GPC6: variants seen among roughly 807,000 people sequenced by gnomAD.
GPC6 encodes the protein glypican 6.
GPC6 carries 14 observed loss-of-function variants against 55.2 expected under a neutral mutation model. The ratio of observed to expected loss-of-function variants is 0.25; its 90% confidence interval spans 0.17 to 0.40. GPC6 has a LOEUF of 0.40. GPC6 is among the 10% of genes least tolerant of loss of function. GPC6 has a pLI of 1.00. For synonymous variants in GPC6, 278 were observed against 259.6 expected, an observed-to-expected ratio of 1.07 and a Z score of -0.68; for missense variants, 641 against 708.5, an observed-to-expected ratio of 0.90 and a Z score of 1.08.
At chr13:93,528,406 CAGAG>C (rs1173448531) in intron 1 of GPC6, among the ~76,000 whole-genome samples, 1 of 151,982 alleles carries the variant, frequency 6.6e-6, no homozygotes, top group Non-Finnish European at 1.5e-5. Flanking sequence ...CATTAAGAGT[CAGAG>C]AGAGTGAAAG....
chr13:93,238,594 A>C (rs1566536425), intron 1 of GPC6, among the ~76,000 whole-genome samples: 1 of 152,074 alleles, frequency 6.6e-6, no homozygotes, highest in Non-Finnish European at 1.5e-5. Context: ...TGCTCTGGCT[A>C]GGACTTCCAG....
chr13:94,391,600 T>C (rs1187063374), intron 7 of GPC6, among the ~76,000 whole-genome samples: 1 of 152,232 alleles, frequency 6.6e-6, no homozygotes, highest in Non-Finnish European at 1.5e-5. Context: ...TCAAGAACTT[T>C]AGTAAAGTTA....
intron 3 of GPC6, among the ~76,000 whole-genome samples, chr13:93,849,974 G>T (rs1888337926): frequency 6.6e-6 from 1 of 152,030 alleles, no homozygotes; most frequent in Admixed American, 6.6e-5. Context: ...TTACAATTAA[G>T]CTGTTCTGAC....
chr13:94,008,530 T>C (rs1413539497), intron 3 of GPC6, among the ~76,000 whole-genome samples: 1 of 152,094 alleles, frequency 6.6e-6, no homozygotes. Flanking sequence ...CACACACCTG[T>C]AGTTCCAGGT....
Position 93,610,377 on chromosome 13 carries a change from T to C in GPC6, c.319+64956T>C, listed in dbSNP as rs116279987. Among the ~76,000 whole-genome samples the C allele has an allele frequency of 5.9e-3, 898 of 152,320 alleles. 15 individuals are homozygous for C. The highest frequency in any genetic ancestry group is 0.02 in the African/African-American group (843 of 41,560). ...ATTTTACATCGCAACCCAGAATGTG[T>C]GCGTAGGTGTGTTTATGTGTAGTCA... On this transcript the variant is annotated intron_variant, in intron 2 of 8. Coordinates refer to ENST00000377047, the MANE Select transcript of GPC6 (RefSeq NM_005708.5).
At chr13:93,610,379 C>T (rs562292677) in intron 2 of GPC6, among the ~76,000 whole-genome samples, 12 of 152,248 alleles carry the variant, frequency 7.9e-5, no homozygotes, top group South Asian at 2.1e-4. Flanking sequence ...AGAATGTGTG[C>T]GTAGGTGTGT....
intron 1 of GPC6, among the ~76,000 whole-genome samples, chr13:93,257,390 C>T (rs1438442221): frequency 1.3e-5 from 2 of 152,198 alleles, no homozygotes; most frequent in Non-Finnish European, 2.9e-5. Flanking sequence ...ATAGTCTCTT[C>T]TCTTTTCTCT....
At chr13:93,990,111 T>C (rs1337766851) in intron 3 of GPC6, among the ~76,000 whole-genome samples, 5 of 151,966 alleles carry the variant, frequency 3.3e-5, no homozygotes, top group Non-Finnish European at 7.4e-5. Context: ...ACACTGTTAT[T>C]GACAAAATAT....
chr13:94,365,438 C>T (rs952059794), intron 6 of GPC6, among the ~76,000 whole-genome samples: 3 of 152,232 alleles, frequency 2.0e-5, no homozygotes, highest in East Asian at 1.9e-4. Flanking sequence ...CAGATCATTG[C>T]ATTATAGCAT....
At chr13:94,228,797 T>TTA (rs1555309435) in intron 4 of GPC6, among the ~76,000 whole-genome samples, 3 of 145,356 alleles carry the variant, frequency 2.1e-5, no homozygotes, top group Non-Finnish European at 4.5e-5. Context: ...CTCTTTGGTT[T>TTA]AAAAAAAAAA....
intron 4 of GPC6, among the ~76,000 whole-genome samples, chr13:94,115,011 A>G (rs982135933): frequency 6.6e-6 from 1 of 152,202 alleles, no homozygotes; most frequent in Non-Finnish European, 1.5e-5. Context: ...ATTGTCTCCA[A>G]TAAGTAAATG....
At chr13:93,372,729 T>C (rs1436187560) in intron 1 of GPC6, among the ~76,000 whole-genome samples, 1 of 152,160 alleles carries the variant, frequency 6.6e-6, no homozygotes, top group East Asian at 1.9e-4. Flanking sequence ...AATTATGGAG[T>C]CTATTAGAAA....
chr13:93,894,315 T>G (rs1875865443), intron 3 of GPC6, among the ~76,000 whole-genome samples: 1 of 152,186 alleles, frequency 6.6e-6, no homozygotes, highest in Admixed American at 6.6e-5. Flanking sequence ...TACACTTGTT[T>G]TTACTATTGG....
At position 94,256,756 on chromosome 13, in the gene GPC6, C is replaced by T. The variant is rs149839350; in HGVS notation, c.878-29593C>T. ...TGGCAGGGCTGTGCAATCCTAATTC[C>T]CATCTCCTCCCCAAATCCTTCCAGA... On this transcript the variant is annotated intron_variant, in intron 4 of 8. Transcript: ENST00000377047. 1.6e-3 allele frequency among the ~76,000 whole-genome samples: 250 copies of T among 152,232 alleles called. 2 individuals are homozygous for T. The highest frequency in any genetic ancestry group is 5.7e-3 in the African/African-American group (236 of 41,556).
intron 2 of GPC6, among the ~76,000 whole-genome samples, chr13:93,806,895 A>G (rs1886558174): frequency 6.6e-6 from 1 of 152,096 alleles, no homozygotes; most frequent in African/African-American, 2.4e-5. Context: ...ATAAAATAAC[A>G]TCAACATAAG....
intron 1 of GPC6, among the ~76,000 whole-genome samples, chr13:93,278,075 C>T (rs1032406170): frequency 6.6e-6 from 1 of 151,992 alleles, no homozygotes; most frequent in African/African-American, 2.4e-5. Context: ...TGCTGGTAAA[C>T]CTTATATTTG....
At chr13:93,807,485 T>A (rs1886576046) in intron 2 of GPC6, among the ~76,000 whole-genome samples, 1 of 152,122 alleles carries the variant, frequency 6.6e-6, no homozygotes, top group Admixed American at 6.6e-5. Context: ...TTGTCAGTAG[T>A]TTTAGTGGGC....
intron 3 of GPC6, among the ~76,000 whole-genome samples, chr13:93,973,656 G>A (rs1880387607): frequency 6.6e-6 from 1 of 152,064 alleles, no homozygotes; most frequent in Admixed American, 6.6e-5. Flanking sequence ...TGATGAAAAT[G>A]GTAATATCTC....
chr13:93,866,887 T>C (rs1888982067), intron 3 of GPC6, among the ~76,000 whole-genome samples: 1 of 151,764 alleles, frequency 6.6e-6, no homozygotes, highest in South Asian at 2.1e-4. Context: ...TAAAAATTGT[T>C]AGTCAAAAAA....
Sources: gnomAD v4.1 joint callset for allele counts (sites outside exome capture counted in the v4.1 genomes callset) on GRCh38, gnomAD v4.1.1 for gene constraint, MANE v1.5 for transcripts, NCBI Gene and HGNC (gene_info 2026-07-23, HGNC 2026-07-21) for gene names.